Variants in TNR observed in about 807,000 individuals in gnomAD.
The protein encoded by TNR is tenascin R, also known as tenascin-R.
In TNR, 45 loss-of-function variants were observed where a neutral mutation model predicts 150.4. The ratio of observed to expected loss-of-function variants is 0.30; its 90% CI spans 0.24 to 0.38. TNR has a LOEUF of 0.38. Among genes scored for constraint, TNR ranks in the 10% least tolerant of loss-of-function variants. TNR has a pLI of 1.00. For missense variants in TNR, 1,544 were observed against 1,759.1 expected, an observed-to-expected ratio of 0.88 and a Z score of 2.19; for synonymous variants, 687 against 678.4, an observed-to-expected ratio of 1.01 and a Z score of -0.20.
At chr1:175,448,369 G>A (rs1186682544) in intron 2 of TNR, among the ~76,000 whole-genome samples, 12 of 152,178 alleles carry the variant, frequency 7.9e-5, no homozygotes, top group African/African-American at 1.7e-4. Context: ...GTGCCACCAC[G>A]CCTGGCTAAT....
chr1:175,584,977 G>A (rs1370911273), intron 1 of TNR, among the ~76,000 whole-genome samples: 7 of 152,204 alleles, frequency 4.6e-5, no homozygotes, highest in Non-Finnish European at 7.3e-5. Context: ...GGACAGGGGT[G>A]TGTCTGCACG....
intron 1 of TNR, among the ~76,000 whole-genome samples, chr1:175,570,606 C>G (rs1169377228): frequency 1.3e-5 from 2 of 152,060 alleles, no homozygotes; most frequent in African/African-American, 2.4e-5. Flanking sequence ...TTGAATTTAT[C>G]TTTTTCTCTC....
chr1:175,517,012 T>TGAGAGAGAGAGAGAGAGA, intron 2 of TNR, among the ~76,000 whole-genome samples: 1 of 120,452 alleles, frequency 8.3e-6, no homozygotes, highest in Non-Finnish European at 1.8e-5. Context: ...ATCTGAAAGC[T>TGAGAGAGAGAGAGAGAGA]GAGAGAGAGA....
chr1:175,558,853 A>G (rs1220448675), intron 1 of TNR, among the ~76,000 whole-genome samples: 1 of 152,214 alleles, frequency 6.6e-6, no homozygotes, highest in Non-Finnish European at 1.5e-5. Context: ...GTAATGGTGG[A>G]TACATGTCAT....
intron 2 of TNR, among the ~76,000 whole-genome samples, chr1:175,526,956 A>T (rs1056302452): frequency 6.6e-6 from 1 of 152,250 alleles, no homozygotes; most frequent in Non-Finnish European, 1.5e-5. Flanking sequence ...GCCGGGAAAG[A>T]TGGACTGCCC....
At chr1:175,456,879 A>C (rs1423026492) in intron 2 of TNR, among the ~76,000 whole-genome samples, 1 of 152,222 alleles carries the variant, frequency 6.6e-6, no homozygotes, top group East Asian at 1.9e-4. Flanking sequence ...TCAGGGCAGT[A>C]AGGGGAAACT....
intron 2 of TNR, among the ~76,000 whole-genome samples, chr1:175,416,685 C>G (rs962588465): frequency 3.9e-4 from 60 of 152,238 alleles, no homozygotes; most frequent in African/African-American, 1.3e-3. Context: ...TGCCCACACT[C>G]CTTAGAACAG....
rs528449626 is a variant in TNR at position 175,599,102 on chromosome 1, C to A, written c.-164-70733G>T. On this transcript the variant is annotated intron_variant, in intron 1 of 22. Transcript: ENST00000367674. The surrounding 1 kb of genome is among the most constrained non-coding windows in gnomAD (Gnocchi z 4.7). ...CTGCGGTCTCCAGACTCCATTCCAG[C>A]CTCTATGGGCCCCGGGTTGCGGGGG... 5.9e-5 allele frequency among the ~76,000 whole-genome samples: 9 copies of A among 152,252 alleles called. No individual in the cohort carries two copies. Among genetic ancestry groups the A allele is most frequent in the South Asian group, 4.1e-4 (2 of 4,822 alleles).
intron 1 of TNR, among the ~76,000 whole-genome samples, chr1:175,597,227 G>T (rs905141203): frequency 6.6e-6 from 1 of 152,208 alleles, no homozygotes; most frequent in African/African-American, 2.4e-5. Flanking sequence ...TCAGGGGCCA[G>T]CACAGTGGTG....
intron 1 of TNR, among the ~76,000 whole-genome samples, chr1:175,671,003 G>A (rs1665681159): frequency 6.6e-6 from 1 of 152,152 alleles, no homozygotes; most frequent in Admixed American, 6.5e-5. Context: ...TCAGGTGAAG[G>A]ATGATGATGG....
chr1:175,446,920 G>A (rs1432877501), intron 2 of TNR, among the ~76,000 whole-genome samples: 1 of 152,166 alleles, frequency 6.6e-6, no homozygotes. Context: ...ATGCATGTAT[G>A]TGTGTTGTAT....
chr1:175,558,596 T>C (rs74127343), intron 1 of TNR, among the ~76,000 whole-genome samples: 4,608 of 152,318 alleles, frequency 0.03, 234 homozygotes, highest in African/African-American at 0.1. Flanking sequence ...TTCCTCCTTA[T>C]GTTAAACCAA....
intron 2 of TNR, among the ~76,000 whole-genome samples, chr1:175,464,146 C>T (rs1656932353): frequency 6.6e-6 from 1 of 152,140 alleles, no homozygotes; most frequent in African/African-American, 2.4e-5. Flanking sequence ...TAATAGAAAG[C>T]CTTGAACTGA....
At chr1:175,642,174 C>T (rs1208458712) in intron 1 of TNR, among the ~76,000 whole-genome samples, 1 of 152,296 alleles carries the variant, frequency 6.6e-6, no homozygotes, top group African/African-American at 2.4e-5. Context: ...TCTTGAAGAA[C>T]ACTTCCCCCA....
intron 1 of TNR, among the ~76,000 whole-genome samples, chr1:175,544,038 C>G (rs1157839210): frequency 6.6e-6 from 1 of 152,168 alleles, no homozygotes; most frequent in Admixed American, 6.5e-5. Flanking sequence ...GCAAGACAGA[C>G]AGCAGCAGGA....
chr1:175,503,027 A>G (rs1173256736), intron 2 of TNR, among the ~76,000 whole-genome samples: 1 of 148,890 alleles, frequency 6.7e-6, no homozygotes, highest in Non-Finnish European at 1.5e-5. Context: ...GCTCATCCCA[A>G]CCCTGCTCCC....
Position 175,550,335 on chromosome 1 carries a change from C to A in TNR, c.-164-21966G>T, listed in dbSNP as rs190104364. 8.4e-4 allele frequency among the ~76,000 whole-genome samples: 128 copies of A among 152,288 alleles called. 2 individuals carry two copies. In the East Asian group the frequency reaches 0.023, roughly 28 times the overall value. ...CTACCCAGCCAAACAACTTTCCAAC[C>A]CTCACCTCCACAGGAGGCAAATGGT... On this transcript the variant is annotated intron_variant, in intron 1 of 22. Coordinates refer to ENST00000367674, the MANE Select transcript of TNR (RefSeq NM_003285.3).
At chr1:175,572,808 C>A (rs1661935655) in intron 1 of TNR, among the ~76,000 whole-genome samples, 1 of 151,220 alleles carries the variant, frequency 6.6e-6, no homozygotes, top group African/African-American at 2.4e-5. Flanking sequence ...TCACATCTTT[C>A]TCTAAAATAA....
chr1:175,693,725 T>A (rs1042803692), intron 1 of TNR, among the ~76,000 whole-genome samples: 1 of 152,228 alleles, frequency 6.6e-6, no homozygotes, highest in Non-Finnish European at 1.5e-5. Context: ...ACACCCTGAA[T>A]GCGCCCAATC....
Sources: allele counts gnomAD v4.1 joint callset (sites outside exome capture counted in the v4.1 genomes callset), GRCh38; gene constraint gnomAD v4.1.1; non-coding constraint Gnocchi (gnomAD v3.1); transcripts MANE v1.5; gene names NCBI Gene and HGNC (gene_info 2026-07-23, HGNC 2026-07-21).